YWHAB: variants seen among roughly 807,000 people sequenced by gnomAD.
YWHAB encodes the protein tyrosine 3-monooxygenase/tryptophan 5-monooxygenase activation protein beta, also known as 14-3-3 protein beta/alpha.
In YWHAB, 2 loss-of-function variants were observed where a neutral mutation model predicts 28.5. The ratio of observed to expected loss-of-function variants is 0.07; its 90% CI spans 0.03 to 0.22. YWHAB has a LOEUF of 0.22. YWHAB is among the 10% of genes least tolerant of loss of function. YWHAB has a pLI of 1.00. For missense variants in YWHAB, 148 were observed against 297.1 expected, an observed-to-expected ratio of 0.50 and a Z score of 3.69; for synonymous variants, 103 against 104.7, an observed-to-expected ratio of 0.98 and a Z score of 0.10.
At chr20:44,905,482 G>T (rs898923551) in intron 4 of YWHAB, 1 of 184,178 alleles carries the variant, frequency 5.4e-6, no homozygotes, top group Non-Finnish European at 1.1e-5. Context: ...CATTCTTGTT[G>T]TGTGTTGGAT....
At chr20:44,893,671 A>G (rs895315196) in intron 1 of YWHAB, among the ~76,000 whole-genome samples, 1 of 143,412 alleles carries the variant, frequency 7.0e-6, no homozygotes. Flanking sequence ...ATCTTGTACC[A>G]TCTATCTCCT....
intron 1 of YWHAB, among the ~76,000 whole-genome samples, chr20:44,898,830 A>G (rs1392178845): frequency 1.3e-5 from 2 of 150,364 alleles, no homozygotes; most frequent in African/African-American, 4.9e-5. Context: ...TAAAAATAGC[A>G]AAGAGGCCAA....
chr20:44,901,390 A>G (rs2066625457), intron 1 of YWHAB, 141 bp from the exon 2 acceptor site: 4 of 865,520 alleles, frequency 4.6e-6, no homozygotes, highest in Non-Finnish European at 7.1e-6. Flanking sequence ...ATATATCATC[A>G]ATATTGTTGA....
intron 1 of YWHAB, among the ~76,000 whole-genome samples, chr20:44,893,505 G>A (rs1028361956): frequency 6.6e-6 from 1 of 152,132 alleles, no homozygotes; most frequent in Non-Finnish European, 1.5e-5. Context: ...CAGAACCAGT[G>A]TTAACCATTT....
chr20:44,885,780 A>C lies in YWHAB; in HGVS notation c.-110A>C, dbSNP rs890175683. On this transcript the variant is annotated 5_prime_UTR_variant, in exon 1 of 6. Transcript: ENST00000353703. ...CGCCGCCGCCGCCGCCGCTGCAGCC[A>C]CTGCAGGCACCGCTGCCGCCGCCTG... 3 of 177,804 alleles carry C rather than the reference A, an allele frequency of 1.7e-5. No individual in the cohort carries two copies. Among genetic ancestry groups the C allele is most frequent in the African/African-American group, 4.8e-5 (2 of 41,616 alleles). 11.0% of individuals were successfully genotyped at this position (177,804 alleles called of 1,614,324 possible).
chr20:44,904,518 A>T (rs1568637183), intron 3 of YWHAB, among the ~76,000 whole-genome samples: 1 of 152,024 alleles, frequency 6.6e-6, no homozygotes, highest in East Asian at 1.9e-4. Context: ...TCCGAGTCTC[A>T]CTTACTCTTC....
chr20:44,904,048 T>A lies in YWHAB; in HGVS notation c.356T>A (p.Phe119Tyr). Reference protein sequence around the residue: ...PNATQPESKVFYLKMKGDYFR... With the variant: ...PNATQPESKVYYLKMKGDYFR... ...GCTACACAACCAGAAAGTAAGGTGT[T>A]CTACTTGAAAATGAAAGGAGATTAT... The change falls in exon 3 of 6, where the codon TTC (phenylalanine) becomes TAC (tyrosine). Residue 119 changes from phenylalanine (F) to tyrosine (Y), a missense_variant. Phe to Tyr is a conservative substitution (Grantham distance 22). Transcript: ENST00000353703. 6.2e-7 allele frequency: 1 copy of A among 1,606,394 alleles called. No homozygotes were observed. Among genetic ancestry groups the A allele is most frequent in the Non-Finnish European group, 8.5e-7 (1 of 1,178,232 alleles).
At chr20:44,897,949 A>G (rs1267828858) in intron 1 of YWHAB, among the ~76,000 whole-genome samples, 2 of 152,048 alleles carry the variant, frequency 1.3e-5, no homozygotes, top group Admixed American at 1.3e-4. Context: ...CAAAAACTCT[A>G]CAGTTGCATG....
rs77398458 is a variant in YWHAB, at chr20:44,889,271, G to A, written c.-4+3385G>A. ...TGGATTCTGAGGGAATTTTTCTAAG[G>A]GGAATACTTGAGGAAACAGACTAAA... On this transcript the variant is annotated intron_variant, in intron 1 of 5. Coordinates refer to ENST00000353703, the MANE Select transcript of YWHAB (RefSeq NM_139323.4). Among the ~76,000 whole-genome samples the A allele has an allele frequency of 8.0e-3, 1,221 of 152,232 alleles. 23 individuals are homozygous for A. Among genetic ancestry groups the A allele is most frequent in the African/African-American group, 0.028 (1,174 of 41,534 alleles).
chr20:44,903,205 A>G (rs2066637271), intron 2 of YWHAB: 21 of 541,660 alleles, frequency 3.9e-5, no homozygotes, highest in Non-Finnish European at 4.7e-5. Context: ...CAACGTGTTA[A>G]GCGCTTTATG....
At chr20:44,888,641 T>G (rs979382115) in intron 1 of YWHAB, among the ~76,000 whole-genome samples, 5 of 152,230 alleles carry the variant, frequency 3.3e-5, no homozygotes, top group Non-Finnish European at 5.9e-5. Context: ...ATGGGAATAT[T>G]AGCTATTTTT....
intron 5 of YWHAB, 40 bp from the exon 6 acceptor site, chr20:44,906,342 T>A: frequency 6.2e-7 from 1 of 1,609,952 alleles, no homozygotes; most frequent in Non-Finnish European, 8.5e-7. Flanking sequence ...TAGGGAACTT[T>A]TAGTAGCCCT....
At position 44,901,846 on chromosome 20, in the gene YWHAB, TG is replaced by T; in HGVS notation, c.300+14del. On this transcript the variant is annotated intron_variant, in intron 2 of 5. Transcript: ENST00000353703. ...CAATGATGTTCTGGTAAGAGGCCAG[TG>T]CTTCTGTTTTGAACAGTGGTTTCTA... The T allele has an allele frequency of 6.3e-7, 1 of 1,580,608 alleles. No individual in the cohort carries two copies. Among genetic ancestry groups the T allele is most frequent in the Non-Finnish European group, 8.6e-7 (1 of 1,158,146 alleles).
rs1853724894 is a variant in YWHAB at position 44,901,416 on chromosome 20, G to C, written c.-3-115G>C. 4 of 1,060,294 alleles carry C rather than the reference G, an allele frequency of 3.8e-6. No homozygotes were observed. The Admixed American group carries it at 9.4e-5, about 25-fold the overall frequency. 65.7% of individuals were successfully genotyped at this position (1,060,294 alleles called of 1,614,324 possible). ...ATATTGTTGATGGCATTTGGAATGA[G>C]ATGTTTCACATTTAGTATGCTGCTT... On this transcript the variant is annotated intron_variant, in intron 1 of 5. Transcript: ENST00000353703.
At position 44,901,750 on chromosome 20, in the gene YWHAB, A is replaced by G. The variant is rs1359792405; in HGVS notation, c.217A>G (p.Arg73Gly). The G allele has an allele frequency of 3.1e-6, 5 of 1,613,910 alleles. No individual in the cohort carries two copies. The highest frequency in any genetic ancestry group is 4.2e-6 in the Non-Finnish European group (5 of 1,179,826). The change falls in exon 2 of 6, where the codon AGG (arginine) becomes GGG (glycine). Residue 73 changes from arginine to glycine, a missense_variant. By Grantham distance (125) the Arg-to-Gly change is moderately radical. Coordinates refer to ENST00000353703, the MANE Select transcript of YWHAB (RefSeq NM_139323.4). ...VISSIEQKTE[R>G]NEKKQQMGKE... ...CTCCAGCATTGAGCAGAAAACAGAG[A>G]GGAATGAGAAGAAGCAGCAGATGGG...
intron 2 of YWHAB, 63 bp downstream of exon 2, chr20:44,901,896 A>G: frequency 6.7e-7 from 1 of 1,495,076 alleles, no homozygotes; most frequent in Non-Finnish European, 8.9e-7. Context: ...TAATGTATAA[A>G]TGCAGACTCT....
At chr20:44,896,823 A>G (rs2066598754) in intron 1 of YWHAB, among the ~76,000 whole-genome samples, 1 of 151,740 alleles carries the variant, frequency 6.6e-6, no homozygotes, top group East Asian at 1.9e-4. Flanking sequence ...AAATTGGTCT[A>G]GTTGCTTCAA....
At chr20:44,905,533 T>G (rs1004433657) in intron 4 of YWHAB, 1 of 167,210 alleles carries the variant, frequency 6.0e-6, no homozygotes, top group African/African-American at 2.4e-5. Context: ...TACATATTTT[T>G]TATAGTCCCT....
At chr20:44,899,897 C>G (rs1339660148) in intron 1 of YWHAB, among the ~76,000 whole-genome samples, 1 of 152,180 alleles carries the variant, frequency 6.6e-6, no homozygotes. Flanking sequence ...TGCTGTACAT[C>G]TTGTTATACA....
Sources: gnomAD v4.1 joint callset for allele counts (sites outside exome capture counted in the v4.1 genomes callset) on GRCh38, gnomAD v4.1.1 for gene constraint, MANE v1.5 for transcripts, NCBI Gene and HGNC (gene_info 2026-07-23, HGNC 2026-07-21) for gene names.